The following SPON2 variants were observed in gnomAD, a reference collection of about 807,000 sequenced individuals.
SPON2 encodes spondin-2.
Under a neutral mutation model 29.9 loss-of-function variants are expected in SPON2, and 32 were observed. That is an observed-to-expected ratio of 1.07 (90% CI 0.81 to 1.44). The LOEUF is 1.44. Ranked by LOEUF, SPON2 falls within the 40% of genes most tolerant of loss-of-function variation. The pLI, the probability that SPON2 is intolerant of heterozygous loss-of-function variation, is 0.00. For synonymous variants in SPON2, 248 were observed against 209.1 expected (o/e 1.19, Z -1.61); for missense variants, 541 against 455.5 (o/e 1.19, Z -1.71).
chr4:1,195,489 T>TC (rs910772142), upstream of SPON2, among the ~76,000 whole-genome samples: 20 of 145,914 alleles, frequency 1.4e-4, no homozygotes, highest in Non-Finnish European at 2.4e-4. Context: ...CACCTGAACC[T>TC]CCCCCCGCCT....
chr4:1,194,108 G>A (rs1026875343), intron 1 of SPON2, among the ~76,000 whole-genome samples: 3 of 152,096 alleles, frequency 2.0e-5, no homozygotes, highest in Non-Finnish European at 4.4e-5. Flanking sequence ...GGACGTCTCC[G>A]GGGAGCTGCG....
At chr4:1,187,025 G>T (rs1053760219) in intron 1 of SPON2, among the ~76,000 whole-genome samples, 1 of 152,154 alleles carries the variant, frequency 6.6e-6, no homozygotes, top group African/African-American at 2.4e-5. Flanking sequence ...GCAACTGTGG[G>T]TATATACCCA....
At chr4:1,184,782 A>T (rs1234259466) in intron 1 of SPON2, among the ~76,000 whole-genome samples, 2 of 151,942 alleles carry the variant, frequency 1.3e-5, no homozygotes, top group Non-Finnish European at 2.9e-5. Flanking sequence ...ACAAAAATTT[A>T]AAAAATTAGC....
exon 1 of SPON2, chr4:1,195,026 TCCAACCCCGCAGCCGGCGG>T (rs1728025292): frequency 1.0e-5 from 1 of 99,504 alleles, no homozygotes; most frequent in East Asian, 3.1e-4. Context: ...AGCCGGCGGC[TCCAACCCCGCAGCCGGCGG>T]CTCCAACCCC....
chr4:1,201,124 C>T, intron 1 of SPON2: 1 of 455,644 alleles, frequency 2.2e-6, no homozygotes, highest in Non-Finnish European at 4.4e-6. Flanking sequence ...TCTGCGGTCA[C>T]CCACAGCCAG....
Position 1,167,554 on chromosome 4 carries a change from A to T in SPON2, c.914T>A (p.Val305Asp). The T allele has an allele frequency of 6.2e-7, 1 of 1,613,592 alleles. No individual in the cohort carries two copies. The highest frequency in any genetic ancestry group is 8.5e-7 in the Non-Finnish European group (1 of 1,179,998). ...CCCGTTGTTGGCGGGCTGGACCCGG[A>T]CGTAGCGAGTCCTGCTCTTGGTCCC... ...RLGTKSRTRYVRVQPANNGSP... is the reference protein window; with the variant it reads ...RLGTKSRTRYDRVQPANNGSP... Residue 305 changes from valine to aspartate, a missense_variant, in exon 6 of 6, where the codon GTC becomes GAC. Physicochemically the swap from Val to Asp is radical, Grantham distance 152. Transcript: ENST00000290902.
intron 2 of SPON2, among the ~76,000 whole-genome samples, chr4:1,178,389 T>G (rs1382786825): frequency 6.6e-6 from 1 of 151,580 alleles, no homozygotes; most frequent in South Asian, 2.1e-4. Context: ...GGTCCAGTGG[T>G]TCTCCTGGCC....
chr4:1,172,177 G>A, intron 1 of SPON2, 103 bp from the exon 2 acceptor site: 5 of 952,166 alleles, frequency 5.3e-6, no homozygotes, highest in South Asian at 1.6e-5. Context: ...GGACGGCCCC[G>A]AGCACCCGCG....
In SPON2 at chr4:1,170,509, G is replaced by A. The variant is rs767365650; in HGVS notation, c.704C>T (p.Pro235Leu). Reference sequence around the variant, plus strand: ...CCGCACCAGTGTCACCCTGGCGATGGGAGGCAGGGCCTTCAGCCGCGGGTA... The same window carrying A: ...CCGCACCAGTGTCACCCTGGCGATGAGAGGCAGGGCCTTCAGCCGCGGGTA... The part of the protein sequence containing the change: ...FYYPRLKALP[P>L]IARVTLVRLR... Residue 235 changes from proline (P) to leucine (L), a missense_variant, in exon 5 of 6, where the codon CCC (proline) becomes CTC (leucine). Pro to Leu is a moderately conservative substitution (Grantham distance 98). Coordinates refer to ENST00000290902, the MANE Select transcript of SPON2 (RefSeq NM_012445.4). 6.2e-7 allele frequency: 1 copy of A among 1,614,036 alleles called. No individual in the cohort carries two copies. Among genetic ancestry groups the A allele is most frequent in the Non-Finnish European group, 8.5e-7 (1 of 1,179,942 alleles).
In SPON2 at chr4:1,171,452, C is replaced by T; in HGVS notation, c.255G>A (p.Arg85=). The T allele has an allele frequency of 4.3e-6, 7 of 1,612,180 alleles. No individual in the cohort carries two copies. Among genetic ancestry groups the T allele is most frequent in the Non-Finnish European group, 5.9e-6 (7 of 1,179,730 alleles). ...AAHSSDYSMW[R]KNQYVSNGLR... ...GCCCGTTACTGACGTACTGGTTCTT[C>T]CTCCACATGCTGTAGTCGGAGCTAT... The change falls in exon 3 of 6, where the codon AGG becomes AGA. Residue 85 remains arginine, a synonymous_variant. Transcript: ENST00000290902.
At chr4:1,175,836 C>T (rs1309524451), upstream of SPON2, among the ~76,000 whole-genome samples, 1 of 152,144 alleles carries the variant, frequency 6.6e-6, no homozygotes, top group Non-Finnish European at 1.5e-5. Context: ...AGACCGAGGC[C>T]TTGGAGGTGC....
chr4:1,202,305 T>C lies in SPON2; in HGVS notation c.-234+5575A>G, dbSNP rs534441706. Among the ~76,000 whole-genome samples the C allele has an allele frequency of 6.6e-6, 1 of 152,298 alleles. No homozygotes were observed. The highest frequency in any genetic ancestry group is 1.5e-5 in the Non-Finnish European group (1 of 68,014). On this transcript the variant is annotated intron_variant, in intron 1 of 3. Coordinates refer to the SPON2 transcript ENST00000509233. This position sits in a 1 kb window ranked among gnomAD's most constrained non-coding sequence, Gnocchi z 5.4. ...CTTTAGTCACAAGGGCTCTGCCTCG[T>C]GAGTGGATCAAACACCTCCCATCAG...
intron 1 of SPON2, among the ~76,000 whole-genome samples, chr4:1,201,927 C>A (rs1353612785): frequency 7.9e-5 from 12 of 152,194 alleles, no homozygotes; most frequent in Non-Finnish European, 1.8e-4. Context: ...CTTCACCTGG[C>A]TCCCGCAAAA....
intron 1 of SPON2, among the ~76,000 whole-genome samples, chr4:1,189,386 G>C (rs1467100054): frequency 6.6e-6 from 1 of 152,032 alleles, no homozygotes; most frequent in African/African-American, 2.4e-5. Flanking sequence ...ACCGGGTATG[G>C]TGGCTCACAC....
chr4:1,200,933 G>A (rs892542960), intron 1 of SPON2: 5 of 456,606 alleles, frequency 1.1e-5, no homozygotes, highest in South Asian at 4.6e-5. Flanking sequence ...GGGCACCCCC[G>A]TGCCCTCCTG....
intron 1 of SPON2, among the ~76,000 whole-genome samples, chr4:1,193,409 C>T (rs1325110290): frequency 1.4e-5 from 2 of 143,714 alleles, no homozygotes; most frequent in Admixed American, 6.8e-5. Context: ...TCTCCAGAGC[C>T]CCCCCAGTCT....
At chr4:1,192,311 C>G (rs1727929658) in intron 1 of SPON2, among the ~76,000 whole-genome samples, 1 of 152,238 alleles carries the variant, frequency 6.6e-6, no homozygotes, top group Non-Finnish European at 1.5e-5. Context: ...AGCCCTAGGG[C>G]TGGTCTTGGC....
Position 1,167,464 on chromosome 4 carries a change from C to G in SPON2, c.*8G>C, listed in dbSNP as rs772305287. 1 of 1,610,478 alleles carries G rather than the reference C, an allele frequency of 6.2e-7. No individual in the cohort carries two copies. Among genetic ancestry groups the G allele is most frequent in the South Asian group, 1.1e-5 (1 of 90,676 alleles). ...CCGGGGGGCCCCAGGGGCTGCGGGGCTCTGGTCTTAGACGCAGTTATCAGG... is the reference window on the plus strand; with the variant it reads ...CCGGGGGGCCCCAGGGGCTGCGGGGGTCTGGTCTTAGACGCAGTTATCAGG... On this transcript the variant is annotated 3_prime_UTR_variant, in exon 6 of 6. Transcript: ENST00000290902.
upstream of SPON2, among the ~76,000 whole-genome samples, chr4:1,177,219 T>A (rs1472004509): frequency 6.6e-6 from 1 of 152,198 alleles, no homozygotes; most frequent in Non-Finnish European, 1.5e-5. Context: ...CACATCCAGC[T>A]CCACCTGGCT....
Sources: gnomAD v4.1 joint callset for allele counts (sites outside exome capture counted in the v4.1 genomes callset) on GRCh38, gnomAD v4.1.1 for gene constraint, Gnocchi (gnomAD v3.1) non-coding constraint, MANE v1.5 for transcripts, NCBI Gene and HGNC (gene_info 2026-07-23, HGNC 2026-07-21) for gene names.